LRRC7: variants seen among roughly 807,000 people sequenced by gnomAD.
LRRC7 encodes leucine rich repeat containing 7.
A neutral mutation model predicts 175.7 loss-of-function variants in LRRC7; 23 were observed. The observed-to-expected ratio is 0.13, with a 90% CI of 0.09 to 0.19. The LOEUF is 0.19. Among genes scored for constraint, LRRC7 ranks in the 10% least tolerant of loss-of-function variants. The probability of loss-of-function intolerance (pLI) is 1.00; values close to 1 mark genes in which losing one functional copy is unlikely to be tolerated. For synonymous variants in LRRC7, 685 were observed against 680.9 expected, an observed-to-expected ratio of 1.01 and a Z score of -0.09; for missense variants, 1,354 against 1,904.7, an observed-to-expected ratio of 0.71 and a Z score of 5.38.
intron 2 of LRRC7, among the ~76,000 whole-genome samples, chr1:69,750,892 C>T (rs892045826): frequency 1.3e-5 from 2 of 152,178 alleles, no homozygotes; most frequent in African/African-American, 2.4e-5. Flanking sequence ...TAAGTTTTAA[C>T]ATGAATTTTG....
intron 7 of LRRC7, among the ~76,000 whole-genome samples, chr1:69,850,417 C>T (rs1235736356): frequency 1.3e-5 from 2 of 151,954 alleles, no homozygotes; most frequent in Non-Finnish European, 2.9e-5. Flanking sequence ...AGACTTCGAG[C>T]AAAGGAAACA....
chr1:70,060,515 A>T (rs1289924929), intron 23 of LRRC7, among the ~76,000 whole-genome samples: 1 of 152,150 alleles, frequency 6.6e-6, no homozygotes, highest in African/African-American at 2.4e-5. Flanking sequence ...TTATGTCAAA[A>T]GGTTGGGGTG....
chr1:69,761,941 G>A (rs1454511233), intron 3 of LRRC7, among the ~76,000 whole-genome samples: 1 of 151,846 alleles, frequency 6.6e-6, no homozygotes, highest in Non-Finnish European at 1.5e-5. Context: ...AGGCATGGGG[G>A]GTGGCGGGTT....
intron 7 of LRRC7, among the ~76,000 whole-genome samples, chr1:69,888,360 G>A (rs1362607810): frequency 3.3e-5 from 5 of 152,136 alleles, no homozygotes; most frequent in African/African-American, 4.8e-5. Flanking sequence ...CGCAATATTC[G>A]GGTGGGAGTG....
At chr1:69,927,232 C>A (rs1163155180) in intron 7 of LRRC7, among the ~76,000 whole-genome samples, 2 of 152,174 alleles carry the variant, frequency 1.3e-5, no homozygotes, top group Non-Finnish European at 2.9e-5. Context: ...TCTCTGGCTG[C>A]CCTTAACATT....
At chr1:69,761,940 G>T (rs933093055) in intron 3 of LRRC7, among the ~76,000 whole-genome samples, 6 of 151,924 alleles carry the variant, frequency 3.9e-5, no homozygotes, top group Non-Finnish European at 8.8e-5. Context: ...TAGGCATGGG[G>T]GGTGGCGGGT....
At chr1:70,007,701 G>A (rs961387197) in intron 11 of LRRC7, among the ~76,000 whole-genome samples, 1 of 152,100 alleles carries the variant, frequency 6.6e-6, no homozygotes, top group African/African-American at 2.4e-5. Context: ...TTTAAGTTTA[G>A]ATCCACTTCC....
At chr1:69,711,676 A>AC (rs1489505907) in intron 2 of LRRC7, among the ~76,000 whole-genome samples, 4 of 152,220 alleles carry the variant, frequency 2.6e-5, no homozygotes, top group African/African-American at 9.6e-5. Flanking sequence ...TGGCCTATTT[A>AC]CCGTGTCGTC....
chr1:70,039,514 A>C lies in LRRC7; in HGVS notation c.3690A>C (p.Lys1230Asn). The C allele has an allele frequency of 6.2e-7, 1 of 1,614,150 alleles. No individual in the cohort carries two copies. The highest frequency in any genetic ancestry group is 8.5e-7 in the Non-Finnish European group (1 of 1,180,022). ...VKAQAGSFPV[K>N]NLTQRRPLSA... is the part of the protein sequence containing the mutation. ...CTCAGGCGGGAAGTTTTCCGGTTAA[A>C]AACCTTACCCAAAGGAGGCCATTGT... The change falls in exon 21 of 27, where the codon AAA (lysine) becomes AAC (asparagine). Residue 1230 changes from lysine (K) to asparagine (N), a missense_variant. Coordinates refer to ENST00000651989, the MANE Select transcript of LRRC7 (RefSeq NM_001370785.2).
At chr1:69,707,553 TC>T (rs1291287964) in intron 2 of LRRC7, among the ~76,000 whole-genome samples, 58 of 152,288 alleles carry the variant, frequency 3.8e-4, no homozygotes, top group African/African-American at 1.4e-3. Flanking sequence ...CTCAACTCTG[TC>T]TCAGGCAGTC....
At chr1:69,934,995 T>C (rs1647848954) in intron 8 of LRRC7, among the ~76,000 whole-genome samples, 1 of 152,156 alleles carries the variant, frequency 6.6e-6, no homozygotes, top group African/African-American at 2.4e-5. Context: ...AAACGTGCTT[T>C]TTTGTAAGCC....
intron 24 of LRRC7, among the ~76,000 whole-genome samples, chr1:70,085,022 A>G (rs1281113053): frequency 6.6e-6 from 1 of 152,098 alleles, no homozygotes; most frequent in Non-Finnish European, 1.5e-5. Context: ...TGTAAAAGTT[A>G]TCTATATATT....
intron 11 of LRRC7, among the ~76,000 whole-genome samples, chr1:70,009,053 C>T (rs1247599236): frequency 1.3e-5 from 2 of 152,082 alleles, no homozygotes; most frequent in Non-Finnish European, 2.9e-5. Flanking sequence ...TGGAATTGTG[C>T]AAGGTGACAA....
At chr1:69,969,380 A>G (rs1355867796) in intron 8 of LRRC7, among the ~76,000 whole-genome samples, 1 of 152,218 alleles carries the variant, frequency 6.6e-6, no homozygotes, top group Non-Finnish European at 1.5e-5. Flanking sequence ...TGCTGCCTTC[A>G]AGAGATACAC....
chr1:69,708,851 A>G (rs1348211969), intron 2 of LRRC7, among the ~76,000 whole-genome samples: 1 of 152,186 alleles, frequency 6.6e-6, no homozygotes, highest in East Asian at 1.9e-4. Flanking sequence ...GCAGAAACAC[A>G]CAAGACCTTT....
chr1:69,796,864 C>T (rs1675847922), intron 4 of LRRC7, among the ~76,000 whole-genome samples: 1 of 151,834 alleles, frequency 6.6e-6, no homozygotes, highest in South Asian at 2.1e-4. Context: ...AGGAAACTTC[C>T]CTGACACTGT....
intron 24 of LRRC7, among the ~76,000 whole-genome samples, chr1:70,085,271 T>G (rs1663521053): frequency 6.6e-6 from 1 of 152,170 alleles, no homozygotes; most frequent in Non-Finnish European, 1.5e-5. Context: ...ATCTAGCTCT[T>G]ATGTTTCAGC....
At position 70,126,483 on chromosome 1, in the gene LRRC7, C is replaced by A. The variant is rs1394286109; in HGVS notation, c.*4596C>A. 6.6e-6 allele frequency among the ~76,000 whole-genome samples: 1 copy of A among 152,034 alleles called. No individual in the cohort carries two copies. Among genetic ancestry groups the A allele is most frequent in the Non-Finnish European group, 1.5e-5 (1 of 68,018 alleles). On this transcript the variant is annotated 3_prime_UTR_variant, in exon 27 of 27. Transcript: ENST00000651989. ...CTCTTCACACTTGTAGCTACCTGATCATCTGGGACTTGGGGGGCATCTCCA... is the reference window on the plus strand; with the variant it reads ...CTCTTCACACTTGTAGCTACCTGATAATCTGGGACTTGGGGGGCATCTCCA...
chr1:70,004,597 G>A (rs1473928889), intron 11 of LRRC7, among the ~76,000 whole-genome samples: 1 of 152,062 alleles, frequency 6.6e-6, no homozygotes, highest in Non-Finnish European at 1.5e-5. Context: ...GTAATTATTA[G>A]GGTCTAGACT....
Sources: allele counts gnomAD v4.1 joint callset (sites outside exome capture counted in the v4.1 genomes callset), GRCh38; gene constraint gnomAD v4.1.1; transcripts MANE v1.5; gene names NCBI Gene and HGNC (gene_info 2026-07-23, HGNC 2026-07-21).